SYT10: variants seen among roughly 807,000 people sequenced by gnomAD.
SYT10 encodes synaptotagmin-10.
In SYT10, 31 loss-of-function variants were observed where a neutral mutation model predicts 51.1. That is an observed-to-expected ratio of 0.61 (90% CI 0.46 to 0.82). SYT10 has a LOEUF of 0.82. Among genes scored for constraint, SYT10 ranks in the 40% least tolerant of loss-of-function variants. SYT10 has a pLI of 0.00. For synonymous variants in SYT10, 233 were observed against 225.9 expected, an observed-to-expected ratio of 1.03 and a Z score of -0.28; for missense variants, 603 against 634.0, an observed-to-expected ratio of 0.95 and a Z score of 0.53.
intron 1 of SYT10, among the ~76,000 whole-genome samples, chr12:33,427,011 T>C (rs904219247): frequency 1.3e-5 from 2 of 152,192 alleles, no homozygotes; most frequent in African/African-American, 4.8e-5. Flanking sequence ...TTTTTCAACC[T>C]CCATAGATTC....
intron 3 of SYT10, among the ~76,000 whole-genome samples, chr12:33,385,600 C>G (rs369450163): frequency 6.6e-6 from 1 of 152,186 alleles, no homozygotes; most frequent in Non-Finnish European, 1.5e-5. Flanking sequence ...AATCAACAAA[C>G]GGCATCATAA....
chr12:33,412,449 A>C (rs1177795538), intron 2 of SYT10, among the ~76,000 whole-genome samples: 1 of 151,428 alleles, frequency 6.6e-6, no homozygotes, highest in Non-Finnish European at 1.5e-5. Flanking sequence ...ATTAGTGGCT[A>C]TATAGTCTCA....
intron 1 of SYT10, among the ~76,000 whole-genome samples, chr12:33,434,490 GATTC>G (rs750979438): frequency 1.7e-4 from 26 of 152,110 alleles, no homozygotes; most frequent in Non-Finnish European, 3.7e-4. Context: ...TAAATCCCTT[GATTC>G]ATTCATTCAT....
intron 3 of SYT10, among the ~76,000 whole-genome samples, chr12:33,399,383 T>C (rs900127110): frequency 6.6e-6 from 1 of 152,236 alleles, no homozygotes; most frequent in African/African-American, 2.4e-5. Flanking sequence ...TTTGACTTTT[T>C]TGTTTTGTAA....
chr12:33,410,369 T>A (rs1053303337), intron 2 of SYT10, among the ~76,000 whole-genome samples: 7 of 152,190 alleles, frequency 4.6e-5, no homozygotes, highest in African/African-American at 1.7e-4. Flanking sequence ...AAAAACACCA[T>A]AAGAAGTGCT....
intron 1 of SYT10, among the ~76,000 whole-genome samples, chr12:33,437,577 G>A (rs1866648056): frequency 6.6e-6 from 1 of 152,182 alleles, no homozygotes; most frequent in East Asian, 1.9e-4. Flanking sequence ...ACTATTTGGT[G>A]TGTGATCACA....
chr12:33,432,379 T>C (rs1866604562), intron 1 of SYT10: 1 of 152,098 alleles, frequency 6.6e-6, no homozygotes, highest in African/African-American at 2.4e-5. Context: ...TATTTATAAT[T>C]GGTGACTGTA....
intron 6 of SYT10, among the ~76,000 whole-genome samples, chr12:33,378,843 TGTG>T (rs1866088266): frequency 6.8e-6 from 1 of 147,310 alleles, no homozygotes; most frequent in Admixed American, 6.7e-5. Context: ...TGTGTGTGTG[TGTG>T]TGTTTGTAGA....
intron 2 of SYT10, among the ~76,000 whole-genome samples, chr12:33,410,497 A>C (rs993959803): frequency 6.6e-6 from 1 of 151,132 alleles, no homozygotes; most frequent in African/African-American, 2.4e-5. Flanking sequence ...CTACTGTACT[A>C]TTCACAGACT....
intron 3 of SYT10, among the ~76,000 whole-genome samples, chr12:33,390,568 C>A (rs1214189777): frequency 9.9e-5 from 15 of 151,136 alleles, no homozygotes; most frequent in African/African-American, 3.4e-4. Flanking sequence ...ACTCCACCCT[C>A]TATATATATA....
At chr12:33,433,602 G>A (rs1591999770) in intron 1 of SYT10, among the ~76,000 whole-genome samples, 2 of 151,960 alleles carry the variant, frequency 1.3e-5, no homozygotes, top group South Asian at 4.1e-4. Context: ...ATTATATTTG[G>A]CCAAGAATAT....
intron 3 of SYT10, among the ~76,000 whole-genome samples, chr12:33,387,261 T>A (rs1169827579): frequency 6.6e-6 from 1 of 152,174 alleles, no homozygotes; most frequent in Non-Finnish European, 1.5e-5. Context: ...CTAATTAAAT[T>A]TGTGTTTGAC....
In SYT10 at chr12:33,426,518, A is replaced by G. The variant is rs775533213; in HGVS notation, c.152-23T>C. The G allele has an allele frequency of 5.3e-5, 80 of 1,504,320 alleles. 1 individual carries two copies. In the South Asian group the frequency reaches 9.2e-4, roughly 17 times the overall value. The allele number at this position is 1,504,320 out of a possible 1,614,324, so 93.2% of individuals were successfully genotyped here. ...TATCTGGAAAAATTACAATGTAAAAATGATTAATTAATATTGTACATAAAA... is the reference window on the plus strand; with the variant it reads ...TATCTGGAAAAATTACAATGTAAAAGTGATTAATTAATATTGTACATAAAA... On this transcript the variant is annotated intron_variant, in intron 1 of 6. Coordinates refer to ENST00000228567, the MANE Select transcript of SYT10 (RefSeq NM_198992.4).
At chr12:33,378,814 C>CTGTGTGTGTGTGTGTGTGTG (rs56373564) in intron 6 of SYT10, among the ~76,000 whole-genome samples, 3 of 145,184 alleles carry the variant, frequency 2.1e-5, no homozygotes, top group Non-Finnish European at 3.1e-5. Flanking sequence ...GACTGGGTAT[C>CTGTGTGTGTGTGTGTGTGTG]TGTGTGTGTG....
At chr12:33,418,586 C>T (rs1866474759) in intron 2 of SYT10, among the ~76,000 whole-genome samples, 1 of 152,180 alleles carries the variant, frequency 6.6e-6, no homozygotes, top group Non-Finnish European at 1.5e-5. Context: ...ACTCCATTCA[C>T]AGTCTCATCT....
chr12:33,406,726 T>C, intron 3 of SYT10, 63 bp downstream of exon 3: 1 of 1,356,182 alleles, frequency 7.4e-7, no homozygotes, highest in Admixed American at 2.3e-5. Context: ...ATTTGGGTAA[T>C]AATTAGTCAC....
At position 33,439,639 on chromosome 12, in the gene SYT10, G is replaced by C; in HGVS notation, c.-117C>G. The C allele has an allele frequency of 7.6e-7, 1 of 1,311,530 alleles. No individual in the cohort carries two copies. The highest frequency in any genetic ancestry group is 1.0e-6 in the Non-Finnish European group (1 of 964,306). The allele number at this position is 1,311,530 out of a possible 1,614,324, so 81.2% of individuals were successfully genotyped here. A position where few individuals can be genotyped will look rare whatever the true frequency, so the allele number is the denominator to read the frequency against. ...AGTCCGCCCGCGGTGACTTTGGCTG[G>C]AGATTGCGCCGCTGAGAGCCGGCAA... On this transcript the variant is annotated 5_prime_UTR_variant, in exon 1 of 7. Coordinates refer to ENST00000228567, the MANE Select transcript of SYT10 (RefSeq NM_198992.4).
chr12:33,407,442 C>T, intron 2 of SYT10, 86 bp from the exon 3 acceptor site: 2 of 1,375,676 alleles, frequency 1.5e-6, no homozygotes, highest in Non-Finnish European at 2.0e-6. Flanking sequence ...CTCTTCCCCA[C>T]CCCCAGAATA....
At chr12:33,413,227 G>A (rs1004803833) in intron 2 of SYT10, among the ~76,000 whole-genome samples, 25 of 152,152 alleles carry the variant, frequency 1.6e-4, no homozygotes, top group African/African-American at 5.1e-4. Context: ...TGAAAGTGAC[G>A]GAGAGAATGG....
Sources: allele counts gnomAD v4.1 joint callset (sites outside exome capture counted in the v4.1 genomes callset), GRCh38; gene constraint gnomAD v4.1.1; transcripts MANE v1.5; gene names NCBI Gene and HGNC (gene_info 2026-07-23, HGNC 2026-07-21).